NUDT10: variants seen among roughly 807,000 people sequenced by gnomAD.
NUDT10 encodes diphosphoinositol polyphosphate phosphohydrolase 3-alpha.
NUDT10 carries 2 observed loss-of-function variants against 10.5 expected under a neutral mutation model. The observed-to-expected ratio is 0.19, with a 90% confidence interval of 0.08 to 0.60. The LOEUF is 0.60. NUDT10 is among the 20% of genes least tolerant of loss of function. NUDT10 has a pLI of 0.89. For synonymous variants in NUDT10, 53 were observed against 71.8 expected (o/e 0.74, Z 1.32); for missense variants, 75 against 149.5 (o/e 0.50, Z 2.60).
At position 51,332,872 on chromosome X, in the gene NUDT10, T is replaced by A; in HGVS notation, c.-94T>A. On this transcript the variant is annotated 5_prime_UTR_variant, in exon 1 of 2. Coordinates refer to ENST00000356450, the MANE Select transcript of NUDT10 (RefSeq NM_001304963.2). The stretch of plus-strand genomic sequence containing the variant: ...CTCCCCGCCCCTCTCCTCGGCCCTT[T>A]CTCTTCCCAGCACCTCGGCTGCTGC... The A allele has an allele frequency of 8.9e-7, 1 of 1,119,020 alleles. No individual in the cohort carries two copies. The highest frequency in any genetic ancestry group is 1.2e-6 in the Non-Finnish European group (1 of 845,934). The allele number at this position is 1,119,020 out of a possible 1,213,427, so 92.2% of individuals were successfully genotyped here.
rs782765161 is a variant in NUDT10, at chrX:51,333,452, G to C, written c.487G>C (p.Asp163His). 8.3e-7 allele frequency: 1 copy of C among 1,205,333 alleles called. No homozygotes were observed. Among genetic ancestry groups the C allele is most frequent in the African/African-American group, 1.8e-5 (1 of 56,617 alleles). The change falls in exon 1 of 2, where the codon GAT becomes CAT. Residue 163 changes from aspartate (D) to histidine (H), a missense_variant. Coordinates refer to ENST00000356450, the MANE Select transcript of NUDT10 (RefSeq NM_001304963.2). ...CATGGCCCCATCCTCGCCAGATAGC[G>C]ATCCCTAGTATGTACCGCTTGCGCC... ...NSMAPSSPDS[D>H]P
At chrX:51,332,543 C>G (rs1170718925), upstream of NUDT10, among the ~76,000 whole-genome samples, 1 of 113,028 alleles carries the variant, frequency 8.8e-6, no homozygotes, top group Non-Finnish European at 1.9e-5. Flanking sequence ...CCCCTCGCCC[C>G]GGTTCCTCGC....
chrX:51,332,905 C>A lies in NUDT10; in HGVS notation c.-61C>A. The A allele has an allele frequency of 1.2e-5, 14 of 1,139,439 alleles. No homozygotes were observed. The highest frequency in any genetic ancestry group is 1.8e-5 in the African/African-American group (1 of 55,890). 93.9% of individuals were successfully genotyped at this position (1,139,439 alleles called of 1,213,427 possible). A position where few individuals can be genotyped will look rare whatever the true frequency, so the allele number is the denominator to read the frequency against. ...CAGCACCTCGGCTGCTGCCCGGCAG[C>A]GGCAGCAGCTGCGTCGGCGGCCCAC... On this transcript the variant is annotated 5_prime_UTR_variant, in exon 1 of 2. Coordinates refer to ENST00000356450, the MANE Select transcript of NUDT10 (RefSeq NM_001304963.2).
Position 51,333,414 on chromosome X carries a change from C to T in NUDT10, c.449C>T (p.Thr150Ile). 1.7e-6 allele frequency: 2 copies of T among 1,207,150 alleles called. No homozygotes were observed. Among genetic ancestry groups the T allele is most frequent in the Non-Finnish European group, 1.1e-6 (1 of 892,822 alleles). Residue 150 changes from threonine to isoleucine, a missense_variant, in exon 1 of 2, where the codon ACC becomes ATC. Transcript: ENST00000356450. ...AAACTAAAGCTGGGCGGTTCCCCAACCAATGGAAACTCCATGGCCCCATCC... is the reference window on the plus strand; with the variant it reads ...AAACTAAAGCTGGGCGGTTCCCCAATCAATGGAAACTCCATGGCCCCATCC... ...LEKLKLGGSP[T>I]NGNSMAPSSP... is the part of the protein sequence containing the mutation.
chrX:51,334,392 A>T (rs1922779113), intron 1 of NUDT10, among the ~76,000 whole-genome samples: 1 of 111,846 alleles, frequency 8.9e-6, no homozygotes, highest in Non-Finnish European at 1.9e-5. Flanking sequence ...TCTGGATTTA[A>T]GTTTGTTTTT....
chrX:51,332,425 G>A (rs1557312098), upstream of NUDT10: 1 of 114,694 alleles, frequency 8.7e-6, no homozygotes, highest in African/African-American at 3.2e-5. Context: ...ACAATGCGGT[G>A]AATTTCGCTG....
rs1922860912 is a variant in NUDT10, at chrX:51,337,062, C to T, written c.*823C>T. Reference sequence around the variant, plus strand: ...GCAGAATCCAGACTATAAGAAACTACAGGACACATGACCTAGTTTCTTCTG... The same window carrying T: ...GCAGAATCCAGACTATAAGAAACTATAGGACACATGACCTAGTTTCTTCTG... On this transcript the variant is annotated 3_prime_UTR_variant, in exon 2 of 2. Transcript: ENST00000356450. 1.8e-5 allele frequency: 2 copies of T among 112,249 alleles called. No individual in the cohort carries two copies. The highest frequency in any genetic ancestry group is 3.8e-5 in the Non-Finnish European group (2 of 53,286). The allele number at this position is 112,249 out of a possible 1,213,427, so 9.3% of individuals were successfully genotyped here. A position where few individuals can be genotyped will look rare whatever the true frequency, so the allele number is the denominator to read the frequency against.
chrX:51,332,759 C>T, upstream of NUDT10: 3 of 550,378 alleles, frequency 5.5e-6, no homozygotes, highest in African/African-American at 2.4e-5. Context: ...GCCTCGCTTG[C>T]CCCCGCCTCC....
Position 51,333,346 on chromosome X carries a change from G to A in NUDT10, c.381G>A (p.Lys127=), listed in dbSNP as rs782646694. 2 of 1,210,455 alleles carry A rather than the reference G, an allele frequency of 1.7e-6. No individual in the cohort carries two copies. Among genetic ancestry groups the A allele is most frequent in the South Asian group, 3.5e-5 (2 of 56,922 alleles). Reference sequence around the variant, plus strand: ...GGTTCAAAGTCGAAGATGCCATCAAGGTTCTCCAGTGCCACAAGCCCGTGC... The same window carrying A: ...GGTTCAAAGTCGAAGATGCCATCAAAGTTCTCCAGTGCCACAAGCCCGTGC... ...REWFKVEDAI[K]VLQCHKPVHA... Residue 127 remains lysine, a synonymous_variant, in exon 1 of 2, where the codon AAG becomes AAA. Coordinates refer to ENST00000356450, the MANE Select transcript of NUDT10 (RefSeq NM_001304963.2).
chrX:51,335,305 CAAA>C (rs35660767), intron 1 of NUDT10, among the ~76,000 whole-genome samples: 5 of 43,297 alleles, frequency 1.2e-4, no homozygotes, highest in Admixed American at 6.7e-4. Flanking sequence ...GCGACCGTCT[CAAA>C]AAAAAAAAAA....
At chrX:51,333,853 G>A (rs1294769565) in intron 1 of NUDT10, among the ~76,000 whole-genome samples, 2 of 108,014 alleles carry the variant, frequency 1.9e-5, no homozygotes, top group African/African-American at 6.8e-5. Context: ...CATATTCGTG[G>A]GTGCGTGCAC....
rs1922738376 is a variant in NUDT10 at position 51,333,360 on chromosome X, A to C, written c.395A>C (p.His132Pro). 1 of 1,210,032 alleles carries C rather than the reference A, an allele frequency of 8.3e-7. No individual in the cohort carries two copies. Among genetic ancestry groups the C allele is most frequent in the African/African-American group, 1.7e-5 (1 of 57,607 alleles). Residue 132 changes from histidine to proline, a missense_variant, in exon 1 of 2, where the codon CAC becomes CCC. Transcript: ENST00000356450. ...GATGCCATCAAGGTTCTCCAGTGCC[A>C]CAAGCCCGTGCACGCCGAATATCTG... ...VEDAIKVLQCHKPVHAEYLEK... is the reference protein window; with the variant it reads ...VEDAIKVLQCPKPVHAEYLEK...
intron 1 of NUDT10, among the ~76,000 whole-genome samples, chrX:51,333,946 A>AT (rs1190801701): frequency 1.8e-5 from 2 of 109,968 alleles, no homozygotes; most frequent in Non-Finnish European, 3.8e-5. Context: ...ATCTTTTAGT[A>AT]TTTTTTTCCC....
chrX:51,332,741 A>G (rs1301426246), upstream of NUDT10: 5 of 464,939 alleles, frequency 1.1e-5, no homozygotes, highest in East Asian at 4.1e-5. Flanking sequence ...GGACTGGCTG[A>G]CTGACACGCC....
At chrX:51,333,652 C>T (rs1205991998) in intron 1 of NUDT10, among the ~76,000 whole-genome samples, 193 bp downstream of exon 1, 1 of 106,517 alleles carries the variant, frequency 9.4e-6, no homozygotes, top group African/African-American at 3.4e-5. Flanking sequence ...TTTTCAGTTG[C>T]TTTCAAAATC....
upstream of NUDT10, among the ~76,000 whole-genome samples, chrX:51,332,678 C>T (rs1184096579): frequency 3.5e-5 from 4 of 112,850 alleles, no homozygotes; most frequent in African/African-American, 9.6e-5. Context: ...CGGGCAGCAG[C>T]GCCTCCTCCA....
Position 51,332,884 on chromosome X carries a change from A to T in NUDT10, c.-82A>T, listed in dbSNP as rs1269047886. Reference sequence around the variant, plus strand: ...CTCCTCGGCCCTTTCTCTTCCCAGCACCTCGGCTGCTGCCCGGCAGCGGCA... The same window carrying T: ...CTCCTCGGCCCTTTCTCTTCCCAGCTCCTCGGCTGCTGCCCGGCAGCGGCA... On this transcript the variant is annotated 5_prime_UTR_variant, in exon 1 of 2. Coordinates refer to ENST00000356450, the MANE Select transcript of NUDT10 (RefSeq NM_001304963.2). The T allele has an allele frequency of 1.7e-6, 2 of 1,143,019 alleles. No individual in the cohort carries two copies. Among genetic ancestry groups the T allele is most frequent in the Non-Finnish European group, 2.3e-6 (2 of 859,620 alleles). 94.2% of individuals were successfully genotyped at this position (1,143,019 alleles called of 1,213,427 possible).
chrX:51,335,042 G>A (rs1227079236), intron 1 of NUDT10, among the ~76,000 whole-genome samples: 1 of 110,801 alleles, frequency 9.0e-6, no homozygotes, highest in African/African-American at 3.3e-5. Flanking sequence ...CTGGGGGACC[G>A]GGCGCGGTGG....
upstream of NUDT10, chrX:51,332,809 C>T (rs1434763361): frequency 2.3e-6 from 2 of 887,292 alleles, no homozygotes; most frequent in Non-Finnish European, 3.0e-6. Context: ...CTCCGCTCCC[C>T]GGGCTCGGGG....
Sources: gnomAD v4.1 joint callset for allele counts (sites outside exome capture counted in the v4.1 genomes callset) on GRCh38, gnomAD v4.1.1 for gene constraint, MANE v1.5 for transcripts, NCBI Gene and HGNC (gene_info 2026-07-23, HGNC 2026-07-21) for gene names.